HCK: variants seen among roughly 807,000 people sequenced by gnomAD.
The protein encoded by HCK is HCK proto-oncogene, Src family tyrosine kinase.
HCK carries 40 observed loss-of-function variants against 70.4 expected under a neutral mutation model. The observed-to-expected ratio is 0.57, with a 90% confidence interval of 0.44 to 0.74. The LOEUF is 0.74. HCK is among the 30% of genes least tolerant of loss of function. The probability of loss-of-function intolerance (pLI) is 0.00; values close to 1 mark genes in which losing one functional copy is unlikely to be tolerated. For synonymous variants in HCK, 245 were observed against 263.2 expected (o/e 0.93, Z 0.67); for missense variants, 568 against 697.2 (o/e 0.81, Z 2.09).
Position 32,101,819 on chromosome 20 carries a change from T to C in HCK, c.*300T>C. On this transcript the variant is annotated 3_prime_UTR_variant, in exon 13 of 13. Transcript: ENST00000375852. Reference sequence around the variant, plus strand: ...ACTTTCAAAATAGTGAAATGAATATTTAAATAAAAGATATAAATGCCAAAG... The same window carrying C: ...ACTTTCAAAATAGTGAAATGAATATCTAAATAAAAGATATAAATGCCAAAG... 1 of 283,432 alleles carries C rather than the reference T, an allele frequency of 3.5e-6. No homozygotes were observed. Among genetic ancestry groups the C allele is most frequent in the South Asian group, 7.5e-5 (1 of 13,320 alleles). 17.6% of individuals were successfully genotyped at this position (283,432 alleles called of 1,614,324 possible).
In HCK at chr20:32,064,423, A is replaced by C. The variant is rs556335018; in HGVS notation, c.63-7239A>C. 8.5e-5 allele frequency among the ~76,000 whole-genome samples: 13 copies of C among 152,344 alleles called. No individual in the cohort carries two copies. The South Asian group carries it at 2.7e-3, about 32-fold the overall frequency. On this transcript the variant is annotated intron_variant, in intron 1 of 12. Coordinates refer to ENST00000375852, the MANE Select transcript of HCK (RefSeq NM_002110.5). ...GAGACTAGGGGCGGAGTAATTCCCA[A>C]AGGAAAATTGGAGAACTGTTGTTAG...
chr20:32,078,095 C>T (rs1057333656), intron 5 of HCK, among the ~76,000 whole-genome samples: 6 of 149,834 alleles, frequency 4.0e-5, no homozygotes, highest in African/African-American at 7.4e-5. Context: ...AGTGCAGTGG[C>T]GTGATCTCGG....
intron 11 of HCK, among the ~76,000 whole-genome samples, chr20:32,094,378 G>A (rs2045905144): frequency 1.3e-5 from 2 of 152,078 alleles, no homozygotes; most frequent in South Asian, 4.1e-4. Flanking sequence ...ATACCACGCA[G>A]TGATGAAAAA....
intron 2 of HCK, among the ~76,000 whole-genome samples, chr20:32,072,746 G>A (rs568275694): frequency 2.0e-5 from 3 of 151,896 alleles, no homozygotes; most frequent in African/African-American, 7.3e-5. Flanking sequence ...GATCTGGACC[G>A]ACCCCTTCAC....
intron 11 of HCK, among the ~76,000 whole-genome samples, chr20:32,096,393 A>G (rs2045955421): frequency 6.7e-6 from 1 of 149,112 alleles, no homozygotes; most frequent in South Asian, 2.1e-4. Flanking sequence ...GCTACTCGGG[A>G]GGCTGAGGCA....
chr20:32,073,807 G>C lies in HCK; in HGVS notation c.318G>C (p.Val106=). Residue 106 remains valine, a synonymous_variant, in exon 4 of 13, where the codon GTG becomes GTC. Transcript: ENST00000375852. ...GCTTCCAGAAGGGGGACCAGATGGT[G>C]GTCCTAGAGGAGTGAGTCCCCATCC... 1.9e-6 allele frequency: 3 copies of C among 1,549,624 alleles called. No homozygotes were observed. The highest frequency in any genetic ancestry group is 2.6e-6 in the Non-Finnish European group (3 of 1,144,386).
Position 32,101,632 on chromosome 20 carries a change from T to C in HCK, c.*113T>C. ...CCTACTCCCAGACACCCACCCTCGC[T>C]TCAGCCACAGTTTCCTCATCTGTCC... On this transcript the variant is annotated 3_prime_UTR_variant, in exon 13 of 13. Coordinates refer to ENST00000375852, the MANE Select transcript of HCK (RefSeq NM_002110.5). 1.2e-6 allele frequency: 1 copy of C among 821,506 alleles called. No homozygotes were observed. The highest frequency in any genetic ancestry group is 1.9e-6 in the Non-Finnish European group (1 of 523,088). 50.9% of individuals were successfully genotyped at this position (821,506 alleles called of 1,614,324 possible).
intron 1 of HCK, among the ~76,000 whole-genome samples, chr20:32,062,711 G>A (rs541663238): frequency 6.6e-6 from 1 of 152,292 alleles, no homozygotes; most frequent in African/African-American, 2.4e-5. Context: ...CTCAGTAAAG[G>A]GAAGACGTGA....
chr20:32,065,904 A>T (rs2045448945), intron 1 of HCK, among the ~76,000 whole-genome samples: 1 of 152,152 alleles, frequency 6.6e-6, no homozygotes, highest in South Asian at 2.1e-4. Flanking sequence ...GGAGCAAAAG[A>T]GGTTCTCTAG....
chr20:32,084,646 G>A, intron 8 of HCK, 103 bp downstream of exon 8: 2 of 1,030,744 alleles, frequency 1.9e-6, no homozygotes, highest in Non-Finnish European at 2.8e-6. Context: ...TGCTACCCAA[G>A]GCAGAGGGGG....
Position 32,090,331 on chromosome 20 carries a change from G to A in HCK, c.1092+1687G>A, listed in dbSNP as rs79465460. Reference sequence around the variant, plus strand: ...AGCAGAGGTAGATTCAGAGCCCAGGGACAGAAAGGAGCCCACCTGGGGCTT... The same window carrying A: ...AGCAGAGGTAGATTCAGAGCCCAGGAACAGAAAGGAGCCCACCTGGGGCTT... On this transcript the variant is annotated intron_variant, in intron 10 of 12. Transcript: ENST00000375852. Among the ~76,000 whole-genome samples, 1,479 of 152,344 alleles carry A rather than the reference G, an allele frequency of 9.7e-3. 26 individuals carry two copies. Among genetic ancestry groups the A allele is most frequent in the African/African-American group, 0.034 (1,413 of 41,580 alleles).
intron 11 of HCK, among the ~76,000 whole-genome samples, chr20:32,096,502 A>C (rs2045958174): frequency 1.3e-5 from 1 of 76,408 alleles, no homozygotes; most frequent in African/African-American, 6.7e-5. Context: ...TCCGTCTCAA[A>C]AAAAAAAAAA....
chr20:32,068,739 T>C (rs2122513138), intron 1 of HCK, among the ~76,000 whole-genome samples: 1 of 152,244 alleles, frequency 6.6e-6, no homozygotes, highest in South Asian at 2.1e-4. Flanking sequence ...AGCAACATTG[T>C]GAGACCTGCC....
chr20:32,074,810 C>CAGTGGTACAG, intron 5 of HCK, 89 bp downstream of exon 5: 1 of 841,866 alleles, frequency 1.2e-6, no homozygotes, highest in Non-Finnish European at 2.0e-6. Context: ...CACTGTACCA[C>CAGTGGTACAG]TGCCTGGCAC....
At chr20:32,094,785 AAGAGAAAG>A (rs1229092867) in intron 11 of HCK, among the ~76,000 whole-genome samples, 6 of 74,738 alleles carry the variant, frequency 8.0e-5, no homozygotes, top group Non-Finnish European at 1.5e-4. Context: ...AAGAGAGAGA[AAGAGAAAG>A]AAAGAAAGAA....
At chr20:32,094,763 AGGAAAGAAAGAAAGAGAGAGAAAG>A (rs776510508) in intron 11 of HCK, among the ~76,000 whole-genome samples, 2 of 114,288 alleles carry the variant, frequency 1.7e-5, no homozygotes, top group African/African-American at 6.7e-5. Context: ...GAAAGAAAGA[AGGAAAGAAAGAAAGAGAGAGAAAG>A]AGAAAGAAAG....
chr20:32,099,224 C>A, intron 12 of HCK, 89 bp downstream of exon 12: 1 of 1,380,122 alleles, frequency 7.2e-7, no homozygotes, highest in Non-Finnish European at 1.0e-6. Flanking sequence ...AAACTGAGTT[C>A]TTGATCCTCA....
chr20:32,095,657 G>T (rs2045944727), intron 11 of HCK, among the ~76,000 whole-genome samples: 2 of 152,208 alleles, frequency 1.3e-5, no homozygotes, highest in East Asian at 3.9e-4. Flanking sequence ...TGGGTTTTTT[G>T]CAGGGAAATG....
chr20:32,083,211 TG>T (rs2045731524), intron 6 of HCK, among the ~76,000 whole-genome samples: 1 of 152,194 alleles, frequency 6.6e-6, no homozygotes, highest in African/African-American at 2.4e-5. Flanking sequence ...GGGATTACAC[TG>T]GGGCTACCTG....
Sources: allele counts gnomAD v4.1 joint callset (sites outside exome capture counted in the v4.1 genomes callset), GRCh38; gene constraint gnomAD v4.1.1; transcripts MANE v1.5; gene names NCBI Gene and HGNC (gene_info 2026-07-23, HGNC 2026-07-21).